The following ZFAT variants were observed in gnomAD, a reference collection of about 807,000 sequenced individuals.
The protein encoded by ZFAT is zinc finger protein ZFAT.
Under a neutral mutation model 117.7 loss-of-function variants are expected in ZFAT, and 64 were observed. That is an observed-to-expected ratio of 0.54 (90% CI 0.44 to 0.67). The LOEUF (loss-of-function observed/expected upper bound fraction) is 0.67, where lower values mean the gene tolerates loss of function less well. Among genes scored for constraint, ZFAT ranks in the 30% least tolerant of loss-of-function variants. The pLI, the probability that ZFAT is intolerant of heterozygous loss-of-function variation, is 0.00. For synonymous variants in ZFAT, 679 were observed against 615.0 expected (o/e 1.10, Z -1.54); for missense variants, 1,433 against 1,584.5 (o/e 0.90, Z 1.62).
At chr8:134,658,150 A>C (rs1831727273) in intron 1 of ZFAT, among the ~76,000 whole-genome samples, 1 of 152,208 alleles carries the variant, frequency 6.6e-6, no homozygotes, top group Admixed American at 6.5e-5. Flanking sequence ...ATCCTGGCTA[A>C]CATGGTGAAA....
At chr8:134,609,806 A>G (rs1406655707) in intron 4 of ZFAT, among the ~76,000 whole-genome samples, 1 of 152,222 alleles carries the variant, frequency 6.6e-6, no homozygotes, top group Non-Finnish European at 1.5e-5. Context: ...TTTCATGTAA[A>G]AGAATACAGA....
intron 1 of ZFAT, among the ~76,000 whole-genome samples, chr8:134,667,220 G>A (rs759745088): frequency 6.6e-6 from 1 of 152,142 alleles, no homozygotes; most frequent in Non-Finnish European, 1.5e-5. Flanking sequence ...GTGGCTGGGT[G>A]CAGTGGCTCA....
the ZFAT span, chr8:134,794,191 G>C: frequency 6.6e-6 from 1 of 152,164 alleles, no homozygotes; most frequent in Non-Finnish European, 1.5e-5. Context: ...AATGACTGCA[G>C]CACAAGGACA....
intron 11 of ZFAT, among the ~76,000 whole-genome samples, chr8:134,544,358 C>T (rs1822526942): frequency 6.6e-6 from 1 of 152,142 alleles, no homozygotes; most frequent in Non-Finnish European, 1.5e-5. Context: ...GATTGCTTGC[C>T]TCTTTCTGTT....
chr8:134,640,145 G>A (rs1422927076), intron 2 of ZFAT, among the ~76,000 whole-genome samples: 1 of 152,152 alleles, frequency 6.6e-6, no homozygotes, highest in Non-Finnish European at 1.5e-5. Context: ...TCTCTGATTT[G>A]CATCCTTTGA....
chr8:134,820,999 T>C, the ZFAT span, among the ~76,000 whole-genome samples: 2 of 152,204 alleles, frequency 1.3e-5, no homozygotes, highest in Non-Finnish European at 2.9e-5. Context: ...GCATGAGATC[T>C]GGAATCAAAA....
chr8:134,624,981 G>T (rs539348096), intron 3 of ZFAT, among the ~76,000 whole-genome samples: 7 of 152,266 alleles, frequency 4.6e-5, no homozygotes, highest in Non-Finnish European at 1.0e-4. Context: ...TTAATAAAAA[G>T]CCCACAACAG....
rs113442495 is a variant in ZFAT at position 134,696,214 on chromosome 8, G to A, written c.19+16631C>T. Among the ~76,000 whole-genome samples the A allele has an allele frequency of 6.0e-3, 911 of 152,060 alleles. 9 individuals carry two copies. The highest frequency in any genetic ancestry group is 0.02 in the African/African-American group (839 of 41,488). ...AACCAAGGAGGTGCCACCGCCAGGC[G>A]CGGACCATCTCTAAGCAAGGAGGCT... On this transcript the variant is annotated intron_variant, in intron 1 of 15. Transcript: ENST00000377838.
intron 4 of ZFAT, among the ~76,000 whole-genome samples, 177 bp downstream of exon 4, chr8:134,610,293 T>C (rs1057161338): frequency 3.9e-5 from 6 of 152,200 alleles, no homozygotes; most frequent in African/African-American, 1.4e-4. Flanking sequence ...CCTCCATCCA[T>C]TAACCACAAC....
intron 1 of ZFAT, among the ~76,000 whole-genome samples, chr8:134,697,356 C>T (rs1833892424): frequency 2.0e-5 from 3 of 151,496 alleles, no homozygotes; most frequent in Non-Finnish European, 4.4e-5. Context: ...TTGTGATCCG[C>T]CCGCCTCAGC....
intron 1 of ZFAT, among the ~76,000 whole-genome samples, chr8:134,704,220 CTAG>C (rs1362188596): frequency 6.6e-6 from 1 of 152,172 alleles, no homozygotes; most frequent in Non-Finnish European, 1.5e-5. Context: ...AGGAACCTGG[CTAG>C]CCCTGAACAA....
At chr8:134,681,097 G>T (rs750549220) in intron 1 of ZFAT, among the ~76,000 whole-genome samples, 3 of 152,202 alleles carry the variant, frequency 2.0e-5, no homozygotes, top group Non-Finnish European at 4.4e-5. Context: ...GATATGTAAG[G>T]CTCAGAAAGG....
chr8:134,533,067 C>A, intron 11 of ZFAT, 95 bp from the exon 12 acceptor site: 1 of 1,503,226 alleles, frequency 6.7e-7, no homozygotes, highest in Non-Finnish European at 8.9e-7. Flanking sequence ...ACCCTGAAAG[C>A]CTGAGATGAG....
Position 134,565,361 on chromosome 8 carries a change from C to G in ZFAT, c.2948G>C (p.Arg983Pro). Residue 983 changes from arginine (R) to proline (P), a missense_variant, in exon 11 of 16, where the codon CGG (arginine) becomes CCG (proline). Coordinates refer to ENST00000377838, the MANE Select transcript of ZFAT (RefSeq NM_020863.4). Reference protein sequence around the residue: ...YTAAQKPQLLRHMEQHVSFKP... With the variant: ...YTAAQKPQLLPHMEQHVSFKP... ...GAAGGAGACATGCTGTTCCATGTGCCGCAGCAGCTGTGGCTTCTGGGCCGC... is the reference window on the plus strand; with the variant it reads ...GAAGGAGACATGCTGTTCCATGTGCGGCAGCAGCTGTGGCTTCTGGGCCGC... The G allele has an allele frequency of 6.2e-7, 1 of 1,613,886 alleles. No homozygotes were observed. The highest frequency in any genetic ancestry group is 1.1e-5 in the South Asian group (1 of 91,046).
rs1814082087 is a variant in ZFAT at position 134,712,971 on chromosome 8, A to T, written c.-108T>A. 8 of 1,302,964 alleles carry T rather than the reference A, an allele frequency of 6.1e-6. No homozygotes were observed. The Admixed American group carries it at 1.4e-4, about 24-fold the overall frequency. The allele number at this position is 1,302,964 out of a possible 1,614,324, so 80.7% of individuals were successfully genotyped here. A position where few individuals can be genotyped will look rare whatever the true frequency, so the allele number is the denominator to read the frequency against. ...TGCTGACGCTTCGCTTTTTATTTTT[A>T]TTTTTTTAAGAAAAGAGCCGGCGAG... On this transcript the variant is annotated 5_prime_UTR_variant, in exon 1 of 16. Coordinates refer to ENST00000377838, the MANE Select transcript of ZFAT (RefSeq NM_020863.4).
At chr8:134,548,398 C>T (rs538871419) in intron 11 of ZFAT, among the ~76,000 whole-genome samples, 3 of 152,054 alleles carry the variant, frequency 2.0e-5, no homozygotes, top group African/African-American at 7.2e-5. Flanking sequence ...CAACCAAGCA[C>T]GGAGATGGAG....
intron 15 of ZFAT, among the ~76,000 whole-genome samples, chr8:134,507,390 A>G (rs1319452935): frequency 1.3e-5 from 2 of 152,084 alleles, no homozygotes; most frequent in Non-Finnish European, 2.9e-5. Context: ...CCTCTCTGTC[A>G]TTTATCAACA....
the ZFAT span, among the ~76,000 whole-genome samples, chr8:134,814,333 A>G: frequency 6.6e-6 from 1 of 152,244 alleles, no homozygotes; most frequent in African/African-American, 2.4e-5. Flanking sequence ...TTTTCAAAAT[A>G]CAACGCTTAA....
At chr8:134,550,973 C>A (rs1395565173) in intron 11 of ZFAT, among the ~76,000 whole-genome samples, 1 of 152,172 alleles carries the variant, frequency 6.6e-6, no homozygotes, top group African/African-American at 2.4e-5. Context: ...TACTTCTTTC[C>A]CTCTGCCCCT....
Sources: gnomAD v4.1 joint callset for allele counts (sites outside exome capture counted in the v4.1 genomes callset) on GRCh38, gnomAD v4.1.1 for gene constraint, MANE v1.5 for transcripts, NCBI Gene and HGNC (gene_info 2026-07-23, HGNC 2026-07-21) for gene names.